Variants in UBXN2A observed in about 807,000 individuals in gnomAD.
UBXN2A encodes the protein UBX domain-containing protein 2A.
In UBXN2A, 28 loss-of-function variants were observed where a neutral mutation model predicts 28.4. The observed-to-expected ratio is 0.99, with a 90% CI of 0.73 to 1.35. The LOEUF (loss-of-function observed/expected upper bound fraction) is 1.35. UBXN2A is among the 40% of genes most tolerant of loss of function. The pLI is 0.00. For synonymous variants in UBXN2A, 97 were observed against 103.6 expected (o/e 0.94, Z 0.39); for missense variants, 253 against 297.9 (o/e 0.85, Z 1.11).
At chr2:23,997,681 C>T (rs774023324) in intron 6 of UBXN2A, among the ~76,000 whole-genome samples, 5 of 151,586 alleles carry the variant, frequency 3.3e-5, no homozygotes, top group Admixed American at 2.6e-4. Context: ...CTCTTGATCT[C>T]GTGATCTGCC....
intron 6 of UBXN2A, among the ~76,000 whole-genome samples, chr2:23,995,693 A>C (rs1406758931): frequency 2.8e-5 from 4 of 145,368 alleles, no homozygotes; most frequent in Admixed American, 1.4e-4. Flanking sequence ...ACTCTGTCTC[A>C]AAAAAAAAAA....
intron 3 of UBXN2A, among the ~76,000 whole-genome samples, chr2:23,972,739 G>A (rs1348506358): frequency 1.3e-5 from 2 of 151,930 alleles, no homozygotes; most frequent in Admixed American, 6.6e-5. Flanking sequence ...GGAGAATCGC[G>A]TGAACCTGGG....
intron 6 of UBXN2A, among the ~76,000 whole-genome samples, chr2:23,995,508 G>A (rs1708494923): frequency 1.3e-5 from 2 of 151,864 alleles, no homozygotes; most frequent in African/African-American, 4.8e-5. Context: ...TGGCTAACAT[G>A]GTGAAACCCC....
At chr2:23,973,447 T>G (rs1707510116) in intron 3 of UBXN2A, among the ~76,000 whole-genome samples, 1 of 151,592 alleles carries the variant, frequency 6.6e-6, no homozygotes, top group South Asian at 2.1e-4. Context: ...CATGCCATTC[T>G]CCTGCCTCAG....
chr2:23,984,238 C>A (rs1346277633), intron 5 of UBXN2A, among the ~76,000 whole-genome samples: 1 of 152,152 alleles, frequency 6.6e-6, no homozygotes, highest in Non-Finnish European at 1.5e-5. Flanking sequence ...ACAAATATAT[C>A]TGGATGCATC....
At position 23,989,246 on chromosome 2, in the gene UBXN2A, A is replaced by ATGTG. The variant is rs113041322; in HGVS notation, c.584+4431_584+4434dup. ...ACACAAAAAACCTATACATATACATATGTGTGTGTGTGTGTGTGTATGTAT... is the reference window on the plus strand; with the variant it reads ...ACACAAAAAACCTATACATATACATATGTGTGTGTGTGTGTGTGTGTGTATGTAT... On this transcript the variant is annotated intron_variant, in intron 6 of 6. Coordinates refer to ENST00000309033, the MANE Select transcript of UBXN2A (RefSeq NM_181713.4). Among the ~76,000 whole-genome samples the ATGTG allele has an allele frequency of 3.7e-3, 544 of 148,900 alleles. 3 individuals carry two copies. Among genetic ancestry groups the ATGTG allele is most frequent in the African/African-American group, 0.012 (478 of 40,526 alleles).
chr2:23,938,541 T>TG (rs1445296647), upstream of UBXN2A, among the ~76,000 whole-genome samples: 4 of 145,074 alleles, frequency 2.8e-5, 1 homozygote, highest in South Asian at 6.5e-4. Context: ...AAAATCCCAG[T>TG]GGCCCCCCCC....
intron 1 of UBXN2A, among the ~76,000 whole-genome samples, chr2:23,944,547 T>A (rs111229211): frequency 0.01 from 1,591 of 152,306 alleles, 13 homozygotes; most frequent in Middle Eastern, 0.017. Context: ...CCCTTGTTTC[T>A]AAAGATGGGG....
chr2:23,936,516 GC>G (rs1705532459), upstream of UBXN2A, among the ~76,000 whole-genome samples: 1 of 151,150 alleles, frequency 6.6e-6, no homozygotes, highest in African/African-American at 2.4e-5. Context: ...TTTGAGACTA[GC>G]CTGGGCAACC....
intron 6 of UBXN2A, among the ~76,000 whole-genome samples, chr2:23,991,383 A>G (rs937804887): frequency 6.6e-6 from 1 of 151,262 alleles, no homozygotes; most frequent in Admixed American, 6.6e-5. Context: ...AAAGAAATGC[A>G]TGTGATTTTA....
At chr2:23,969,832 A>G (rs1707336304) in intron 2 of UBXN2A, among the ~76,000 whole-genome samples, 2 of 152,204 alleles carry the variant, frequency 1.3e-5, no homozygotes, top group Admixed American at 6.6e-5. Flanking sequence ...AAATAAATAA[A>G]TAAATCACTA....
At chr2:23,973,832 A>G (rs1213961958) in intron 3 of UBXN2A, among the ~76,000 whole-genome samples, 1 of 150,858 alleles carries the variant, frequency 6.6e-6, no homozygotes, top group Non-Finnish European at 1.5e-5. Context: ...GGGTTTCACC[A>G]TGTTGGACAG....
intron 1 of UBXN2A, among the ~76,000 whole-genome samples, chr2:23,955,936 C>T (rs1045727981): frequency 1.3e-5 from 2 of 152,228 alleles, no homozygotes; most frequent in Non-Finnish European, 2.9e-5. Context: ...GCAGTCTCGG[C>T]TTACTTCAAC....
chr2:23,983,295 C>G (rs1268612204), intron 5 of UBXN2A, among the ~76,000 whole-genome samples: 1 of 152,044 alleles, frequency 6.6e-6, no homozygotes, highest in African/African-American at 2.4e-5. Context: ...CACCTGAGAT[C>G]GGGAGTTCGA....
At chr2:23,954,019 CTT>C (rs1407623176) in intron 1 of UBXN2A, among the ~76,000 whole-genome samples, 1 of 151,434 alleles carries the variant, frequency 6.6e-6, no homozygotes, top group Non-Finnish European at 1.5e-5. Context: ...ATTTTTTTTT[CTT>C]TTTGTTTTAA....
At chr2:23,984,257 T>G (rs1385984485) in intron 5 of UBXN2A, among the ~76,000 whole-genome samples, 6 of 152,206 alleles carry the variant, frequency 3.9e-5, no homozygotes, top group Non-Finnish European at 7.3e-5. Context: ...TCCTTCAGAA[T>G]GATCAGGAAG....
chr2:23,978,576 G>A (rs947535916), intron 4 of UBXN2A, among the ~76,000 whole-genome samples: 39 of 151,474 alleles, frequency 2.6e-4, no homozygotes, highest in Non-Finnish European at 4.1e-4. Context: ...CCTGGGAGGC[G>A]GAGCTTGCAG....
At chr2:23,978,600 C>T (rs556166036) in intron 4 of UBXN2A, among the ~76,000 whole-genome samples, 13 of 151,214 alleles carry the variant, frequency 8.6e-5, no homozygotes, top group South Asian at 2.1e-4. Flanking sequence ...GCCAGGATCA[C>T]GCCACTGCAC....
intron 6 of UBXN2A, among the ~76,000 whole-genome samples, chr2:23,990,735 C>T (rs1325325201): frequency 6.6e-6 from 1 of 150,622 alleles, no homozygotes; most frequent in Non-Finnish European, 1.5e-5. Context: ...AATCACACCA[C>T]TGCACTCCAG....
Sources: allele counts gnomAD v4.1 joint callset (sites outside exome capture counted in the v4.1 genomes callset), GRCh38; gene constraint gnomAD v4.1.1; transcripts MANE v1.5; gene names NCBI Gene and HGNC (gene_info 2026-07-23, HGNC 2026-07-21).